GIPC1: variants seen among roughly 807,000 people sequenced by gnomAD.
GIPC1 encodes PDZ domain-containing protein GIPC1.
GIPC1 carries 15 observed loss-of-function variants against 28.5 expected under a neutral mutation model. The observed-to-expected ratio is 0.53, with a 90% CI of 0.35 to 0.81. The LOEUF (loss-of-function observed/expected upper bound fraction) is 0.81. GIPC1 is among the 30% of genes least tolerant of loss of function. The pLI, the probability that GIPC1 is intolerant of heterozygous loss-of-function variation, is 0.01. For synonymous variants in GIPC1, 224 were observed against 206.1 expected, an observed-to-expected ratio of 1.09 and a Z score of -0.74; for missense variants, 439 against 481.9, an observed-to-expected ratio of 0.91 and a Z score of 0.83.
At chr19:14,489,464 A>T (rs762580010) in intron 3 of GIPC1, 2 of 946,910 alleles carry the variant, frequency 2.1e-6, no homozygotes, top group Non-Finnish European at 3.5e-6. Context: ...GGTGGCAGAC[A>T]TGTCCAAGGA....
chr19:14,486,353 C>T lies in GIPC1; in HGVS notation c.-30-3347G>A, dbSNP rs981630231. Among the ~76,000 whole-genome samples the T allele has an allele frequency of 3.0e-4, 46 of 152,200 alleles. 1 individual carries two copies. The highest frequency in any genetic ancestry group is 1.1e-3 in the African/African-American group (44 of 41,444). On this transcript the variant is annotated intron_variant, in intron 3 of 8. Coordinates refer to ENST00000393033, the MANE Select transcript of GIPC1 (RefSeq NM_005716.4). ...AAATTTCTGACTCTCCCCCTTTGGACCAAACAGGTGGATGGCACTTCCTGG... is the reference window on the plus strand; with the variant it reads ...AAATTTCTGACTCTCCCCCTTTGGATCAAACAGGTGGATGGCACTTCCTGG...
chr19:14,485,563 AT>A (rs1256106634), intron 3 of GIPC1, among the ~76,000 whole-genome samples: 1 of 151,330 alleles, frequency 6.6e-6, no homozygotes, highest in Admixed American at 6.6e-5. Flanking sequence ...AGGCAGGAGA[AT>A]TGCTTGAACC....
rs1196806800 is a variant in GIPC1 at position 14,483,149 on chromosome 19, G to A, written c.-30-143C>T. 12 of 605,228 alleles carry A rather than the reference G, an allele frequency of 2.0e-5. No individual in the cohort carries two copies. The Admixed American group carries it at 3.5e-4, about 18-fold the overall frequency. The allele number at this position is 605,228 out of a possible 1,614,324, so 37.5% of individuals were successfully genotyped here. On this transcript the variant is annotated intron_variant, in intron 3 of 8. Coordinates refer to ENST00000393033, the MANE Select transcript of GIPC1 (RefSeq NM_005716.4). ...ATCCTCATCTCTTGTATAGTGACAG[G>A]ACACTTATATAAAAGTAATAATAGG...
intron 3 of GIPC1, chr19:14,489,341 C>G (rs1480485235): frequency 3.9e-6 from 3 of 777,676 alleles, no homozygotes; most frequent in East Asian, 4.9e-5. Flanking sequence ...GTGAGGGAAG[C>G]CGTGCGTTCT....
chr19:14,485,702 T>TAGAG (rs747570310), intron 3 of GIPC1, among the ~76,000 whole-genome samples: 784 of 58,580 alleles, frequency 0.013, 13 homozygotes, highest in East Asian at 0.048. Flanking sequence ...TATATATATA[T>TAGAG]AGAGAGAGAG....
intron 3 of GIPC1, among the ~76,000 whole-genome samples, chr19:14,485,696 TATATATAGAGAGAGAGAGAG>T (rs768554203): frequency 0.011 from 795 of 73,854 alleles, 23 homozygotes; most frequent in African/African-American, 0.034. Flanking sequence ...TATATATATA[TATATATAGAGAGAGAGAGAG>T]AGAGAGAGAG....
At chr19:14,480,856 G>C (rs1279971684) in intron 4 of GIPC1, 78 bp from the exon 5 acceptor site, 2 of 1,042,342 alleles carry the variant, frequency 1.9e-6, no homozygotes, top group Non-Finnish European at 2.9e-6. Context: ...CGAAGGGAGA[G>C]AGCTGGGAGA....
rs148583378 is a variant in GIPC1 at position 14,478,206 on chromosome 19, G to A, written c.*210C>T. 3.8e-3 allele frequency: 2,150 copies of A among 560,992 alleles called. 48 individuals are homozygous for A. The highest frequency in any genetic ancestry group is 0.036 in the African/African-American group (1,947 of 53,464). The allele number at this position is 560,992 out of a possible 1,614,324, so 34.8% of individuals were successfully genotyped here. A position where few individuals can be genotyped will look rare whatever the true frequency, so the allele number is the denominator to read the frequency against. Reference sequence around the variant, plus strand: ...AGGTAGGTGGGGAACAGGGCACAGGGGGGCCGGGGACCCCGGCCAGACTGG... The same window carrying A: ...AGGTAGGTGGGGAACAGGGCACAGGAGGGCCGGGGACCCCGGCCAGACTGG... On this transcript the variant is annotated 3_prime_UTR_variant, in exon 9 of 9. Transcript: ENST00000393033. The surrounding 1 kb of genome is among the most constrained non-coding windows in gnomAD (Gnocchi z 5.2).
rs550643441 is a variant in GIPC1 at position 14,478,319 on chromosome 19, G to A, written c.*97C>T. The A allele has an allele frequency of 3.9e-6, 5 of 1,285,044 alleles. No homozygotes were observed. In the African/African-American group the frequency reaches 7.4e-5, roughly 19 times the overall value. 79.6% of individuals were successfully genotyped at this position (1,285,044 alleles called of 1,614,324 possible). ...CCATCGTCCTTGGGCTGCTGAGCTA[G>A]GCTCAGGCTGGAGGCTCGGGTCCTG... is the stretch of plus-strand genomic sequence containing the variant. On this transcript the variant is annotated 3_prime_UTR_variant, in exon 9 of 9. Transcript: ENST00000393033. This position sits in a 1 kb window ranked among gnomAD's most constrained non-coding sequence, Gnocchi z 5.2.
chr19:14,479,456 T>C lies in GIPC1; in HGVS notation c.724A>G (p.Thr242Ala). 7.0e-7 allele frequency: 1 copy of C among 1,430,346 alleles called. No individual in the cohort carries two copies. Among genetic ancestry groups the C allele is most frequent in the Non-Finnish European group, 9.2e-7 (1 of 1,092,692 alleles). The allele number at this position is 1,430,346 out of a possible 1,614,324, so 88.6% of individuals were successfully genotyped here. A position where few individuals can be genotyped will look rare whatever the true frequency, so the allele number is the denominator to read the frequency against. Residue 242 changes from threonine to alanine, a missense_variant, in exon 7 of 9, where the codon ACC becomes GCC. Thr to Ala is a moderately conservative substitution (Grantham distance 58). Coordinates refer to ENST00000393033, the MANE Select transcript of GIPC1 (RefSeq NM_005716.4). ...SGPQLGTGRG[T>A]LRLRSRGPAT... ...GGGCCCCGGGATCGGAGCCGCAGGG[T>C]CCCTCGGCCAGTGCCCAGTTGTGGG...
chr19:14,490,406 G>A (rs1325493267), intron 3 of GIPC1, among the ~76,000 whole-genome samples: 5 of 150,694 alleles, frequency 3.3e-5, no homozygotes, highest in East Asian at 2.0e-4. Context: ...GGCCAGGAAC[G>A]GTGGTTCACG....
rs958123027 is a variant in GIPC1 at position 14,485,726 on chromosome 19, G to A, written c.-30-2720C>T. ...ATAGAGAGAGAGAGAGAGAGAGAGA[G>A]AGAGAGAGAGAGAGACAGAGAGAGG... is the stretch of plus-strand genomic sequence containing the variant. On this transcript the variant is annotated intron_variant, in intron 3 of 8. Transcript: ENST00000393033. Among the ~76,000 whole-genome samples the A allele has an allele frequency of 1.5e-4, 20 of 133,836 alleles. 1 individual carries two copies. The highest frequency in any genetic ancestry group is 1.4e-3 in the Admixed American group (17 of 12,462). 87.8% of individuals were successfully genotyped at this position (133,836 alleles called of 152,430 possible). A position where few individuals can be genotyped will look rare whatever the true frequency, so the allele number is the denominator to read the frequency against.
At chr19:14,485,582 C>T (rs942658989) in intron 3 of GIPC1, among the ~76,000 whole-genome samples, 23 of 150,660 alleles carry the variant, frequency 1.5e-4, no homozygotes, top group African/African-American at 5.1e-4. Flanking sequence ...ACCCAGGAGA[C>T]GAAGGTTGGC....
At position 14,487,891 on chromosome 19, in the gene GIPC1, G is replaced by A. The variant is rs113029331; in HGVS notation, c.-31+3765C>T. ...AGACAGGGTCTTGCTATGTTGTCCC[G>A]GCTGGTCTCAAACTCCTGGGCTCAA... On this transcript the variant is annotated intron_variant, in intron 3 of 8. Coordinates refer to ENST00000393033, the MANE Select transcript of GIPC1 (RefSeq NM_005716.4). 2.4e-3 allele frequency among the ~76,000 whole-genome samples: 362 copies of A among 151,532 alleles called. 1 individual carries two copies. The highest frequency in any genetic ancestry group is 8.4e-3 in the African/African-American group (348 of 41,246).
intron 4 of GIPC1, chr19:14,481,028 T>C (rs1335993478): frequency 1.3e-5 from 6 of 462,578 alleles, no homozygotes; most frequent in Admixed American, 3.9e-5. Context: ...TGGAGTGCAG[T>C]GGTGCCATCA....
At position 14,478,787 on chromosome 19, in the gene GIPC1, C is replaced by G. The variant is rs1568359371; in HGVS notation, c.769-22G>C. ...AGGGCTGGGGGCCAGGGAGGGGTGACAGCGACATCATAACAATGTGAATAT... is the reference window on the plus strand; with the variant it reads ...AGGGCTGGGGGCCAGGGAGGGGTGAGAGCGACATCATAACAATGTGAATAT... On this transcript the variant is annotated intron_variant, in intron 7 of 8. Coordinates refer to ENST00000393033, the MANE Select transcript of GIPC1 (RefSeq NM_005716.4). This position sits in a 1 kb window ranked among gnomAD's most constrained non-coding sequence, Gnocchi z 5.2. The G allele has an allele frequency of 6.5e-7, 1 of 1,536,900 alleles. No homozygotes were observed. The highest frequency in any genetic ancestry group is 9.0e-7 in the Non-Finnish European group (1 of 1,109,820).
At chr19:14,482,582 T>A in intron 4 of GIPC1, 107 bp downstream of exon 4, 1 of 1,139,198 alleles carries the variant, frequency 8.8e-7, no homozygotes, top group Non-Finnish European at 1.3e-6. Flanking sequence ...GGGCCCAGGC[T>A]CAGCATCTGC....
chr19:14,486,317 CTG>C (rs1338425746), intron 3 of GIPC1, among the ~76,000 whole-genome samples: 2 of 152,312 alleles, frequency 1.3e-5, no homozygotes, highest in Admixed American at 6.5e-5. Context: ...GTCACTAACA[CTG>C]TGTGCAAAAA....
chr19:14,484,205 A>C (rs1181488595), intron 3 of GIPC1, among the ~76,000 whole-genome samples: 1 of 143,664 alleles, frequency 7.0e-6, no homozygotes, highest in African/African-American at 2.6e-5. Flanking sequence ...ATCTCAGCTC[A>C]CTCACTGCAA....
Sources: allele counts gnomAD v4.1 joint callset (sites outside exome capture counted in the v4.1 genomes callset), GRCh38; gene constraint gnomAD v4.1.1; non-coding constraint Gnocchi (gnomAD v3.1); transcripts MANE v1.5; gene names NCBI Gene and HGNC (gene_info 2026-07-23, HGNC 2026-07-21).